The following SLC35F3 variants were observed in gnomAD, a reference collection of about 807,000 sequenced individuals.
SLC35F3 encodes solute carrier family 35 member F3, also known as putative thiamine transporter SLC35F3.
In SLC35F3, 25 loss-of-function variants were observed where a neutral mutation model predicts 49.9. The ratio of observed to expected loss-of-function variants is 0.50; its 90% CI spans 0.37 to 0.70. SLC35F3 has a LOEUF of 0.70. SLC35F3 is among the 30% of genes least tolerant of loss of function. SLC35F3 has a pLI of 0.00. For missense variants in SLC35F3, 525 were observed against 639.8 expected (o/e 0.82, Z 1.94); for synonymous variants, 275 against 265.4 (o/e 1.04, Z -0.35).
At chr1:234,069,982 T>G (rs1386929573) in intron 2 of SLC35F3, among the ~76,000 whole-genome samples, 1 of 152,192 alleles carries the variant, frequency 6.6e-6, no homozygotes, top group African/African-American at 2.4e-5. Context: ...AGCACCACCT[T>G]GTGCTCTAAT....
rs1359017858 is a variant in SLC35F3, at chr1:234,280,645, C to T, written c.609-28456C>T. Among the ~76,000 whole-genome samples the T allele has an allele frequency of 2.0e-5, 3 of 152,184 alleles. No individual in the cohort carries two copies. The South Asian group carries it at 6.2e-4, about 32-fold the overall frequency. On this transcript the variant is annotated intron_variant, in intron 3 of 7. Transcript: ENST00000366618. ...TGGGATGATTCTCCCAAGGTCAAGA[C>T]AGTCTTTACATGTCATTATGAAGAG...
chr1:234,130,640 G>T (rs1345100027), intron 2 of SLC35F3, among the ~76,000 whole-genome samples: 3 of 92,790 alleles, frequency 3.2e-5, no homozygotes, highest in African/African-American at 7.9e-5. Context: ...GAGAGACTCT[G>T]TCAAAAAAAA....
chr1:233,973,108 A>T (rs1342827023), intron 2 of SLC35F3, among the ~76,000 whole-genome samples: 2 of 152,204 alleles, frequency 1.3e-5, no homozygotes, highest in Non-Finnish European at 2.9e-5. Context: ...AAATCATGTG[A>T]CTCAGCAGCC....
chr1:234,172,046 GCA>G (rs1666407136), intron 2 of SLC35F3, among the ~76,000 whole-genome samples: 2 of 151,840 alleles, frequency 1.3e-5, no homozygotes, highest in Non-Finnish European at 2.9e-5. Flanking sequence ...CTTCTTTTTA[GCA>G]CAGATTCACA....
chr1:234,028,230 C>T (rs1464324255), intron 2 of SLC35F3, among the ~76,000 whole-genome samples: 2 of 152,152 alleles, frequency 1.3e-5, no homozygotes, highest in African/African-American at 4.8e-5. Context: ...GCTGTGCCCC[C>T]GATCCAGCTT....
At chr1:234,047,143 A>G (rs1664303429) in intron 2 of SLC35F3, among the ~76,000 whole-genome samples, 1 of 152,232 alleles carries the variant, frequency 6.6e-6, no homozygotes, top group Non-Finnish European at 1.5e-5. Flanking sequence ...GGAAAAGTCA[A>G]CAAATGTATC....
intron 2 of SLC35F3, among the ~76,000 whole-genome samples, chr1:234,006,153 C>T (rs745639795): frequency 6.6e-6 from 1 of 152,140 alleles, no homozygotes; most frequent in Non-Finnish European, 1.5e-5. Context: ...CTCCTTCAGG[C>T]TGGAGGCTGG....
At chr1:234,207,810 T>C (rs1666996321) in intron 2 of SLC35F3, among the ~76,000 whole-genome samples, 1 of 152,118 alleles carries the variant, frequency 6.6e-6, no homozygotes, top group Admixed American at 6.5e-5. Context: ...TAGACAAGCC[T>C]GGGCAACATA....
At chr1:234,146,785 AT>A (rs1666004016) in intron 2 of SLC35F3, among the ~76,000 whole-genome samples, 1 of 152,136 alleles carries the variant, frequency 6.6e-6, no homozygotes, top group Middle Eastern at 3.2e-3. Flanking sequence ...AAGTGCTGGG[AT>A]TACAGGCATG....
intron 2 of SLC35F3, among the ~76,000 whole-genome samples, chr1:233,976,748 T>A (rs1663091524): frequency 6.6e-6 from 1 of 152,128 alleles, no homozygotes; most frequent in Non-Finnish European, 1.5e-5. Context: ...GGAGCTGGGA[T>A]TACAGGTGTC....
At chr1:234,163,634 C>G (rs766699897) in intron 2 of SLC35F3, among the ~76,000 whole-genome samples, 1 of 152,228 alleles carries the variant, frequency 6.6e-6, no homozygotes. Context: ...AAACACTTCC[C>G]TCTTGATAGA....
intron 2 of SLC35F3, among the ~76,000 whole-genome samples, chr1:234,069,442 A>G (rs1450554145): frequency 6.6e-6 from 1 of 151,740 alleles, no homozygotes; most frequent in Non-Finnish European, 1.5e-5. Context: ...TTTTCAGTAG[A>G]GACGGAGTTT....
chr1:234,202,175 T>C (rs1666909731), intron 2 of SLC35F3, among the ~76,000 whole-genome samples: 1 of 152,190 alleles, frequency 6.6e-6, no homozygotes, highest in African/African-American at 2.4e-5. Flanking sequence ...ACCACATGTT[T>C]CACTTATAAG....
rs9435510 is a variant in SLC35F3 at position 234,157,538 on chromosome 1, T to C, written c.284-73879T>C. ...CCCAATTTTATTGAGTTAATTTACA[T>C]GAGGACGCAATTCTGAAAACACAGT... is the stretch of plus-strand genomic sequence containing the variant. On this transcript the variant is annotated intron_variant, in intron 2 of 7. Transcript: ENST00000366618. Among the ~76,000 whole-genome samples, 529 of 152,348 alleles carry C rather than the reference T, an allele frequency of 3.5e-3. 4 individuals are homozygous for C. The highest frequency in any genetic ancestry group is 0.012 in the African/African-American group (511 of 41,588).
At chr1:234,047,556 C>G (rs570285979) in intron 2 of SLC35F3, among the ~76,000 whole-genome samples, 1 of 152,300 alleles carries the variant, frequency 6.6e-6, no homozygotes, top group Non-Finnish European at 1.5e-5. Flanking sequence ...AACTTACTGG[C>G]CTTTGGACTA....
At chr1:234,220,090 G>A (rs1667180536) in intron 2 of SLC35F3, among the ~76,000 whole-genome samples, 1 of 152,178 alleles carries the variant, frequency 6.6e-6, no homozygotes, top group Non-Finnish European at 1.5e-5. Flanking sequence ...GAAACAGGGG[G>A]AGCCAGAGAA....
chr1:234,206,813 G>A (rs1666977870), intron 2 of SLC35F3, among the ~76,000 whole-genome samples: 1 of 152,158 alleles, frequency 6.6e-6, no homozygotes, highest in South Asian at 2.1e-4. Flanking sequence ...AACTGGGTCT[G>A]CCCAACGTTG....
intron 3 of SLC35F3, among the ~76,000 whole-genome samples, chr1:234,304,009 C>A (rs1668732618): frequency 1.7e-5 from 1 of 57,622 alleles, no homozygotes; most frequent in Non-Finnish European, 3.3e-5. Context: ...ATCCTTCCTT[C>A]CTTCCTTCCT....
Position 234,214,749 on chromosome 1 carries a change from G to A in SLC35F3, c.284-16668G>A. The stretch of plus-strand genomic sequence containing the variant: ...CGTGGGGGGATCTGGCAGCTTCAGG[G>A]GCTGCCCTGAGCTCCCTGGCGAGCA... On this transcript the variant is annotated intron_variant, in intron 2 of 7. Coordinates refer to ENST00000366618, the MANE Select transcript of SLC35F3 (RefSeq NM_173508.4). The surrounding 1 kb of genome is among the most constrained non-coding windows in gnomAD (Gnocchi z 8.0). 1 of 868,870 alleles carries A rather than the reference G, an allele frequency of 1.2e-6. No individual in the cohort carries two copies. Among genetic ancestry groups the A allele is most frequent in the Non-Finnish European group, 1.6e-6 (1 of 616,328 alleles). 53.8% of individuals were successfully genotyped at this position (868,870 alleles called of 1,614,324 possible). A position where few individuals can be genotyped will look rare whatever the true frequency, so the allele number is the denominator to read the frequency against.
Sources: gnomAD v4.1 joint callset for allele counts (sites outside exome capture counted in the v4.1 genomes callset) on GRCh38, gnomAD v4.1.1 for gene constraint, Gnocchi (gnomAD v3.1) non-coding constraint, MANE v1.5 for transcripts, NCBI Gene and HGNC (gene_info 2026-07-23, HGNC 2026-07-21) for gene names.